The following RYK variants were observed in gnomAD, a reference collection of about 807,000 sequenced individuals.
RYK encodes receptor like tyrosine kinase.
RYK carries 21 observed loss-of-function variants against 70.2 expected under a neutral mutation model. The observed-to-expected ratio is 0.30, with a 90% CI of 0.21 to 0.43. The LOEUF is 0.43. Among genes scored for constraint, RYK ranks in the 20% least tolerant of loss-of-function variants. The pLI, the probability that RYK is intolerant of heterozygous loss-of-function variation, is 1.00. For synonymous variants in RYK, 267 were observed against 278.0 expected (o/e 0.96, Z 0.39); for missense variants, 604 against 753.3 (o/e 0.80, Z 2.32).
chr3:134,230,539 CTG>C (rs1553774086), intron 1 of RYK, among the ~76,000 whole-genome samples: 5 of 152,146 alleles, frequency 3.3e-5, no homozygotes, highest in Non-Finnish European at 2.9e-5. Flanking sequence ...ATTTCATAGA[CTG>C]TATGAGTGAA....
chr3:134,202,967 T>C (rs986095366), intron 5 of RYK, 93 bp from the exon 6 acceptor site: 8 of 992,250 alleles, frequency 8.1e-6, no homozygotes, highest in African/African-American at 6.6e-5. Context: ...GTTCTTTTCA[T>C]GTGCCCATTC....
intron 1 of RYK, 137 bp from the exon 2 acceptor site, chr3:134,222,676 G>A: frequency 1.5e-6 from 1 of 671,616 alleles, no homozygotes; most frequent in East Asian, 2.9e-5. Flanking sequence ...AACATGGGCT[G>A]CCTTATGAAG....
chr3:134,190,013 A>G (rs558362839), intron 8 of RYK, among the ~76,000 whole-genome samples: 1 of 152,356 alleles, frequency 6.6e-6, no homozygotes, highest in African/African-American at 2.4e-5. Context: ...GATACCATGC[A>G]TACAAATAGG....
intron 10 of RYK, chr3:134,181,781 C>T (rs2013303195): frequency 6.6e-6 from 1 of 152,132 alleles, no homozygotes; most frequent in Non-Finnish European, 1.5e-5. Context: ...TACTGTCACA[C>T]ATTATGATGT....
intron 3 of RYK, among the ~76,000 whole-genome samples, chr3:134,211,246 C>T (rs56073423): frequency 0.14 from 21,944 of 152,136 alleles, 1,946 homozygotes; most frequent in East Asian, 0.47. Context: ...AGATCAGGCA[C>T]AGGGACTCAT....
At chr3:134,186,501 G>A (rs6783294) in intron 9 of RYK, among the ~76,000 whole-genome samples, 46,040 of 152,136 alleles carry the variant, frequency 0.3, 8,502 homozygotes, top group Middle Eastern at 0.47. Context: ...CAATCTCAGA[G>A]ACAGTCATGT....
chr3:134,200,231 C>T (rs1410169063), intron 6 of RYK, among the ~76,000 whole-genome samples: 3 of 152,154 alleles, frequency 2.0e-5, no homozygotes, highest in African/African-American at 4.8e-5. Flanking sequence ...GTCCGCACTA[C>T]CTTTATGAGC....
At chr3:134,228,373 C>T (rs1193167410) in intron 1 of RYK, among the ~76,000 whole-genome samples, 1 of 152,048 alleles carries the variant, frequency 6.6e-6, no homozygotes, top group Non-Finnish European at 1.5e-5. Flanking sequence ...ATTAGTATGT[C>T]GAAGAGGTAT....
intron 8 of RYK, among the ~76,000 whole-genome samples, chr3:134,191,549 G>A (rs753598588): frequency 1.3e-5 from 2 of 152,140 alleles, no homozygotes; most frequent in African/African-American, 2.4e-5. Context: ...ATCTCAGAGA[G>A]ACCTGCCAGG....
At chr3:134,199,180 GCC>G (rs1189725392) in intron 6 of RYK, among the ~76,000 whole-genome samples, 1 of 152,236 alleles carries the variant, frequency 6.6e-6, no homozygotes, top group Non-Finnish European at 1.5e-5. Context: ...AGCTCCAACT[GCC>G]CTGGCATGGG....
At chr3:134,204,247 C>T (rs372478887) in intron 5 of RYK, among the ~76,000 whole-genome samples, 5 of 151,982 alleles carry the variant, frequency 3.3e-5, no homozygotes, top group Admixed American at 6.6e-5. Flanking sequence ...GTAATCCCAG[C>T]GCTTTGGGAG....
chr3:134,228,194 G>C (rs1356959608), intron 1 of RYK, among the ~76,000 whole-genome samples: 1 of 152,150 alleles, frequency 6.6e-6, no homozygotes, highest in African/African-American at 2.4e-5. Context: ...GGGTGGCTGA[G>C]ATGGGAGGCT....
intron 13 of RYK, among the ~76,000 whole-genome samples, chr3:134,170,152 G>A (rs1349019338): frequency 1.3e-5 from 2 of 152,146 alleles, no homozygotes; most frequent in Non-Finnish European, 2.9e-5. Flanking sequence ...ACATACATAT[G>A]TGTGTGTGGG....
intron 5 of RYK, among the ~76,000 whole-genome samples, chr3:134,203,818 G>C (rs540702255): frequency 1.3e-5 from 2 of 152,156 alleles, no homozygotes; most frequent in South Asian, 4.1e-4. Context: ...GTAGCCACTG[G>C]TCACCTGTGG....
intron 6 of RYK, among the ~76,000 whole-genome samples, chr3:134,195,586 A>G (rs2013784583): frequency 6.6e-6 from 1 of 152,274 alleles, no homozygotes; most frequent in South Asian, 2.1e-4. Flanking sequence ...TGATGGCCCA[A>G]TATCAAATGG....
At chr3:134,195,733 G>A (rs921655543) in intron 6 of RYK, among the ~76,000 whole-genome samples, 3 of 152,164 alleles carry the variant, frequency 2.0e-5, no homozygotes, top group Admixed American at 2.0e-4. Flanking sequence ...GATGACTGGA[G>A]GTCAGGAGTT....
intron 13 of RYK, among the ~76,000 whole-genome samples, chr3:134,165,812 G>A (rs1447798352): frequency 6.6e-6 from 1 of 152,218 alleles, no homozygotes; most frequent in Non-Finnish European, 1.5e-5. Context: ...CCTTTGGAAT[G>A]AGTATGTCTA....
At chr3:134,202,499 ACTT>A (rs1373852317) in intron 6 of RYK, 4 of 445,126 alleles carry the variant, frequency 9.0e-6, no homozygotes, top group Non-Finnish European at 1.6e-5. Flanking sequence ...CTTGTTCTCC[ACTT>A]CTTCCTCAAC....
chr3:134,206,173 T>A (rs1472815723), intron 5 of RYK, among the ~76,000 whole-genome samples: 1 of 152,148 alleles, frequency 6.6e-6, no homozygotes, highest in Non-Finnish European at 1.5e-5. Context: ...GGCAAAAAAA[T>A]TCCCCTTTGG....
Sources: gnomAD v4.1 joint callset for allele counts (sites outside exome capture counted in the v4.1 genomes callset) on GRCh38, gnomAD v4.1.1 for gene constraint, MANE v1.5 for transcripts, NCBI Gene and HGNC (gene_info 2026-07-23, HGNC 2026-07-21) for gene names.